HAPLN1: variants seen among roughly 807,000 people sequenced by gnomAD.
HAPLN1 encodes the protein Cartilage link protein.
HAPLN1 carries 13 observed loss-of-function variants against 36.5 expected under a neutral mutation model. That is an observed-to-expected ratio of 0.36 (90% CI 0.23 to 0.57). The LOEUF is 0.57. Ranked by LOEUF, HAPLN1 falls within the 20% of genes least tolerant of loss-of-function variation. The pLI, the probability that HAPLN1 is intolerant of heterozygous loss-of-function variation, is 0.83. For missense variants in HAPLN1, 407 were observed against 439.7 expected (o/e 0.93, Z 0.66); for synonymous variants, 202 against 169.8 (o/e 1.19, Z -1.48).
intron 1 of HAPLN1, among the ~76,000 whole-genome samples, chr5:83,716,768 A>G (rs1415480421): frequency 1.3e-5 from 2 of 152,222 alleles, no homozygotes; most frequent in Non-Finnish European, 2.9e-5. Flanking sequence ...ATGGTAGCTC[A>G]TGCCTGTAAT....
intron 1 of HAPLN1, among the ~76,000 whole-genome samples, chr5:83,701,035 C>T (rs1751496875): frequency 6.6e-6 from 1 of 152,108 alleles, no homozygotes; most frequent in Admixed American, 6.5e-5. Flanking sequence ...GGTTTACTTT[C>T]AAGTGATGTT....
intron 1 of HAPLN1, among the ~76,000 whole-genome samples, chr5:83,687,144 C>T (rs992030009): frequency 1.3e-5 from 2 of 152,090 alleles, no homozygotes; most frequent in South Asian, 2.1e-4. Context: ...CACAGGAAAT[C>T]AGGAAAAGAA....
At chr5:83,704,973 T>C (rs1379559386) in intron 1 of HAPLN1, among the ~76,000 whole-genome samples, 1 of 152,236 alleles carries the variant, frequency 6.6e-6, no homozygotes, top group Non-Finnish European at 1.5e-5. Flanking sequence ...CATCAACAGA[T>C]GGCACATTCT....
At chr5:83,678,220 G>GTGTGTGTGTGTGTGT (rs1554049527) in intron 1 of HAPLN1, among the ~76,000 whole-genome samples, 71 of 142,640 alleles carry the variant, frequency 5.0e-4, no homozygotes, top group Non-Finnish European at 4.8e-4. Flanking sequence ...CTATAGTTTG[G>GTGTGTGTGTGTGTGT]GTGTGTGTGT....
rs537165065 is a variant in HAPLN1 at position 83,673,274 on chromosome 5, A to G, written c.100+150T>C. 8.9e-5 allele frequency: 52 copies of G among 583,596 alleles called. No homozygotes were observed. In the African/African-American group the frequency reaches 9.3e-4, roughly 10 times the overall value. 36.2% of individuals were successfully genotyped at this position (583,596 alleles called of 1,614,324 possible). ...ACTCTACTGTAATGCAATAGTGTTT[A>G]AAAGCCAGGGAACACGTTCACCAAT... On this transcript the variant is annotated intron_variant, in intron 2 of 4. Coordinates refer to ENST00000274341, the MANE Select transcript of HAPLN1 (RefSeq NM_001884.4).
intron 2 of HAPLN1, among the ~76,000 whole-genome samples, chr5:83,667,061 T>C (rs1043405009): frequency 6.6e-6 from 1 of 152,194 alleles, no homozygotes; most frequent in Non-Finnish European, 1.5e-5. Context: ...CTATAAATTG[T>C]TGAATGCAGA....
At chr5:83,645,208 A>T (rs1025519716) in intron 3 of HAPLN1, among the ~76,000 whole-genome samples, 2 of 152,140 alleles carry the variant, frequency 1.3e-5, no homozygotes, top group Non-Finnish European at 1.5e-5. Flanking sequence ...AGTTTTATGT[A>T]GTCTTTTAAA....
At chr5:83,667,350 A>G (rs912272007) in intron 2 of HAPLN1, among the ~76,000 whole-genome samples, 1 of 152,084 alleles carries the variant, frequency 6.6e-6, no homozygotes, top group Non-Finnish European at 1.5e-5. Flanking sequence ...TTGTAAATTG[A>G]TAAGAAATTT....
chr5:83,696,338 C>G (rs1751388600), intron 1 of HAPLN1, among the ~76,000 whole-genome samples: 1 of 151,976 alleles, frequency 6.6e-6, no homozygotes, highest in Non-Finnish European at 1.5e-5. Context: ...CCAAGCTGAC[C>G]CATAAATTCA....
intron 1 of HAPLN1, among the ~76,000 whole-genome samples, chr5:83,700,646 C>CT (rs11352221): frequency 0.036 from 4,987 of 139,042 alleles, 263 homozygotes; most frequent in African/African-American, 0.12. Flanking sequence ...TCCTTTCAAA[C>CT]TTTTTTTTTT....
intron 1 of HAPLN1, among the ~76,000 whole-genome samples, chr5:83,716,909 G>GT (rs1751925762): frequency 6.6e-6 from 1 of 152,114 alleles, no homozygotes; most frequent in African/African-American, 2.4e-5. Flanking sequence ...ACACATGCTT[G>GT]TAGTCCCAGC....
intron 1 of HAPLN1, among the ~76,000 whole-genome samples, chr5:83,705,472 T>C (rs780009629): frequency 1.3e-5 from 2 of 150,318 alleles, no homozygotes; most frequent in Non-Finnish European, 3.0e-5. Flanking sequence ...TGCTCATGAA[T>C]GACTTTTGGG....
intron 3 of HAPLN1, among the ~76,000 whole-genome samples, chr5:83,648,943 T>C (rs1749967399): frequency 6.6e-6 from 1 of 152,212 alleles, no homozygotes; most frequent in African/African-American, 2.4e-5. Context: ...GTCCTTAGCT[T>C]ATGTCAAGTT....
intron 1 of HAPLN1, among the ~76,000 whole-genome samples, chr5:83,679,503 C>G (rs1243005422): frequency 6.6e-6 from 1 of 151,954 alleles, no homozygotes; most frequent in Non-Finnish European, 1.5e-5. Flanking sequence ...TTTGTTTATC[C>G]ATTCATCACC....
intron 1 of HAPLN1, among the ~76,000 whole-genome samples, chr5:83,711,998 A>T (rs191524516): frequency 1.3e-5 from 2 of 152,342 alleles, no homozygotes; most frequent in Admixed American, 1.3e-4. Context: ...CTCAAGAATG[A>T]TATACTAATT....
chr5:83,674,769 G>C (rs1019351882), intron 1 of HAPLN1: 5 of 152,160 alleles, frequency 3.3e-5, no homozygotes, highest in African/African-American at 1.2e-4. Flanking sequence ...TGTTCCTGGA[G>C]GTCCTTGTAG....
At chr5:83,675,933 T>C (rs1750849765) in intron 1 of HAPLN1, among the ~76,000 whole-genome samples, 1 of 152,226 alleles carries the variant, frequency 6.6e-6, no homozygotes, top group Admixed American at 6.5e-5. Flanking sequence ...TTTAATTTGT[T>C]ATGTCTTTTG....
intron 1 of HAPLN1, among the ~76,000 whole-genome samples, chr5:83,691,249 A>G (rs1751264739): frequency 1.3e-5 from 2 of 152,060 alleles, no homozygotes; most frequent in South Asian, 4.1e-4. Flanking sequence ...TAGAGGTTGC[A>G]AGGCAGAATA....
chr5:83,666,565 A>C (rs927933158), intron 2 of HAPLN1, among the ~76,000 whole-genome samples: 2 of 152,166 alleles, frequency 1.3e-5, no homozygotes, highest in Non-Finnish European at 2.9e-5. Context: ...AATAGTTCAC[A>C]GAATAGCATA....
Sources: allele counts gnomAD v4.1 joint callset (sites outside exome capture counted in the v4.1 genomes callset), GRCh38; gene constraint gnomAD v4.1.1; transcripts MANE v1.5; gene names NCBI Gene and HGNC (gene_info 2026-07-23, HGNC 2026-07-21).